Variants in FAM178B observed in about 807,000 individuals in gnomAD.
FAM178B encodes family with sequence similarity 178 member B, also known as protein FAM178B.
FAM178B carries 82 observed loss-of-function variants against 91.7 expected under a neutral mutation model. That is an observed-to-expected ratio of 0.89 (90% CI 0.75 to 1.07). The LOEUF (loss-of-function observed/expected upper bound fraction) is 1.07, where lower values mean the gene tolerates loss of function less well. FAM178B is among the 50% of genes least tolerant of loss of function. The pLI, the probability that FAM178B is intolerant of heterozygous loss-of-function variation, is 0.00. For synonymous variants in FAM178B, 368 were observed against 359.4 expected, an observed-to-expected ratio of 1.02 and a Z score of -0.27; for missense variants, 769 against 846.7, an observed-to-expected ratio of 0.91 and a Z score of 1.14.
Position 96,960,460 on chromosome 2 carries a change from G to A in FAM178B, c.735-20C>T, listed in dbSNP as rs186730435. ...AGCATCCTGGCAAGGCAAGGGGCAG[G>A]AGGGCCGGGCATCAGCAGATGCACC... On this transcript the variant is annotated intron_variant, in intron 5 of 16. Transcript: ENST00000490605. 4.6e-6 allele frequency: 7 copies of A among 1,524,702 alleles called. No homozygotes were observed. The highest frequency in any genetic ancestry group is 6.2e-6 in the Non-Finnish European group (7 of 1,130,564). The allele number at this position is 1,524,702 out of a possible 1,614,324, so 94.4% of individuals were successfully genotyped here.
At chr2:96,929,161 A>G (rs1317501257) in intron 9 of FAM178B, 45 bp downstream of exon 9, 6 of 1,355,226 alleles carry the variant, frequency 4.4e-6, no homozygotes, top group Non-Finnish European at 6.2e-6. Context: ...CCTGTCTCTT[A>G]AAAAATATGA....
intron 13 of FAM178B, among the ~76,000 whole-genome samples, chr2:96,901,869 G>T (rs143776585): frequency 1.3e-5 from 2 of 152,228 alleles, no homozygotes; most frequent in African/African-American, 4.8e-5. Flanking sequence ...TGAATTAAAT[G>T]CTCACTGCAA....
intron 12 of FAM178B, among the ~76,000 whole-genome samples, chr2:96,903,918 C>T (rs1399589915): frequency 6.6e-6 from 1 of 152,184 alleles, no homozygotes; most frequent in African/African-American, 2.4e-5. Context: ...GAGGACTCGA[C>T]AAAGCAGCGG....
intron 8 of FAM178B, among the ~76,000 whole-genome samples, chr2:96,933,488 T>C (rs1046966077): frequency 6.6e-6 from 1 of 152,186 alleles, no homozygotes; most frequent in African/African-American, 2.4e-5. Context: ...TGGCACCTCT[T>C]ACATGGAATT....
chr2:96,958,020 A>G (rs1481851990), intron 6 of FAM178B, among the ~76,000 whole-genome samples: 1 of 152,040 alleles, frequency 6.6e-6, no homozygotes, highest in Admixed American at 6.5e-5. Context: ...ACATTTTATC[A>G]TCTAATTGGA....
Position 96,971,982 on chromosome 2 carries a change from C to T in FAM178B, c.483G>A (p.Leu161=), listed in dbSNP as rs1430373735. The part of the protein sequence containing the change: ...PEELEQEHLD[L]DPKRGLALPE... The stretch of plus-strand genomic sequence containing the variant: ...GCAAGGCCAGGCCCCTCTTCGGGTC[C>T]AAGTCCAGGTGTTCCTGCTCCAACT... Residue 161 remains leucine (L), a synonymous_variant, in exon 3 of 17, where the codon TTG becomes TTA. Transcript: ENST00000490605. 5 of 1,562,686 alleles carry T rather than the reference C, an allele frequency of 3.2e-6. No individual in the cohort carries two copies. Among genetic ancestry groups the T allele is most frequent in the Non-Finnish European group, 3.5e-6 (4 of 1,153,638 alleles).
intron 13 of FAM178B, chr2:96,895,202 G>A: frequency 1.1e-6 from 1 of 930,874 alleles, no homozygotes. Context: ...AGCTTCTACA[G>A]AAAAGATAAG....
chr2:96,894,110 C>T, intron 13 of FAM178B, 59 bp from the exon 14 acceptor site: 1 of 1,549,320 alleles, frequency 6.5e-7, no homozygotes, highest in South Asian at 1.2e-5. Flanking sequence ...GCTCAGGGTG[C>T]TCCCGGGAAT....
At chr2:96,924,714 C>A (rs1325698296) in intron 9 of FAM178B, among the ~76,000 whole-genome samples, 2 of 152,168 alleles carry the variant, frequency 1.3e-5, no homozygotes, top group African/African-American at 2.4e-5. Flanking sequence ...ATGAGGGTCC[C>A]CTCTGCTGTC....
chr2:96,971,925 C>G lies in FAM178B; in HGVS notation c.540G>C (p.Leu180=). ...CCTCTGGGGCCGCAGCCTGCTGGCT[C>G]AGGCCTGACGTGTTCCAGAACAGCT... ...PEKLFWNTSG[L]SQQAAAPEFS... is the part of the protein sequence containing the mutation. The change falls in exon 3 of 17, where the codon CTG becomes CTC. Residue 180 remains leucine (L), a synonymous_variant. Transcript: ENST00000490605. 5 of 1,510,472 alleles carry G rather than the reference C, an allele frequency of 3.3e-6. No individual in the cohort carries two copies. Among genetic ancestry groups the G allele is most frequent in the Non-Finnish European group, 4.4e-6 (5 of 1,129,306 alleles). The allele number at this position is 1,510,472 out of a possible 1,614,324, so 93.6% of individuals were successfully genotyped here. A position where few individuals can be genotyped will look rare whatever the true frequency, so the allele number is the denominator to read the frequency against.
chr2:96,906,601 G>A (rs1364926247), intron 12 of FAM178B, among the ~76,000 whole-genome samples: 1 of 152,036 alleles, frequency 6.6e-6, no homozygotes, highest in African/African-American at 2.4e-5. Context: ...GAAAGGCAGC[G>A]CCCACCCGGA....
chr2:96,980,076 TTTTG>T (rs1333809896), intron 1 of FAM178B, among the ~76,000 whole-genome samples: 4 of 152,166 alleles, frequency 2.6e-5, no homozygotes, highest in Admixed American at 6.5e-5. Context: ...TGTGGGGTTT[TTTTG>T]TTTGTTTTTT....
At chr2:96,941,656 C>T (rs1490226109) in intron 8 of FAM178B, among the ~76,000 whole-genome samples, 1 of 152,214 alleles carries the variant, frequency 6.6e-6, no homozygotes, top group Non-Finnish European at 1.5e-5. Flanking sequence ...AAAGAATGTA[C>T]TGGCCAGGGT....
At chr2:96,966,413 G>A (rs1372437894) in intron 5 of FAM178B, among the ~76,000 whole-genome samples, 1 of 152,098 alleles carries the variant, frequency 6.6e-6, no homozygotes, top group Non-Finnish European at 1.5e-5. Context: ...CACTCCTTAT[G>A]CCCCCAGCGT....
rs145052439 is a variant in FAM178B at position 96,984,072 on chromosome 2, C to T, written c.73+2169G>A. ...GCAACCTCCGCCTCCCGGGTTCAAG[C>T]GATTCTCCTGCCTCAGCCTCCTGAG... On this transcript the variant is annotated intron_variant, in intron 1 of 16. Transcript: ENST00000490605. 1.9e-3 allele frequency among the ~76,000 whole-genome samples: 292 copies of T among 152,150 alleles called. 1 individual carries two copies. Among genetic ancestry groups the T allele is most frequent in the African/African-American group, 6.7e-3 (278 of 41,518 alleles).
chr2:96,973,416 G>A (rs2082249927), intron 1 of FAM178B, among the ~76,000 whole-genome samples: 1 of 152,112 alleles, frequency 6.6e-6, no homozygotes, highest in African/African-American at 2.4e-5. Context: ...CATTTTCGCT[G>A]AATGAATGAG....
intron 3 of FAM178B, 104 bp downstream of exon 3, chr2:96,971,797 G>T: frequency 8.9e-7 from 1 of 1,120,002 alleles, no homozygotes; most frequent in Non-Finnish European, 1.2e-6. Context: ...CCGAGGAAGA[G>T]CAGCTGGGGC....
intron 9 of FAM178B, among the ~76,000 whole-genome samples, chr2:96,928,165 G>A (rs2081477800): frequency 6.6e-6 from 1 of 152,182 alleles, no homozygotes; most frequent in Non-Finnish European, 1.5e-5. Context: ...CCGAGGCGAG[G>A]GAAGGGGGGC....
intron 6 of FAM178B, chr2:96,956,682 G>C (rs2082004473): frequency 6.6e-6 from 1 of 152,264 alleles, no homozygotes; most frequent in African/African-American, 2.4e-5. Context: ...GTGGTATAAC[G>C]AGGAAAATGA....
Sources: gnomAD v4.1 joint callset for allele counts (sites outside exome capture counted in the v4.1 genomes callset) on GRCh38, gnomAD v4.1.1 for gene constraint, MANE v1.5 for transcripts, NCBI Gene and HGNC (gene_info 2026-07-23, HGNC 2026-07-21) for gene names.